Variants in SNX29 observed in about 807,000 individuals in gnomAD.
SNX29 encodes sorting nexin-29.
In SNX29, 78 loss-of-function variants were observed where a neutral mutation model predicts 102.1. The ratio of observed to expected loss-of-function variants is 0.76; its 90% CI spans 0.64 to 0.92. The LOEUF is 0.92. Among genes scored for constraint, SNX29 ranks in the 40% least tolerant of loss-of-function variants. The probability of loss-of-function intolerance (pLI) is 0.00; values close to 1 mark genes in which losing one functional copy is unlikely to be tolerated. For synonymous variants in SNX29, 580 were observed against 414.5 expected, an observed-to-expected ratio of 1.40 and a Z score of -4.85; for missense variants, 1,280 against 1,061.7, an observed-to-expected ratio of 1.21 and a Z score of -2.86.
intron 14 of SNX29, among the ~76,000 whole-genome samples, chr16:12,231,469 G>A (rs2077766110): frequency 6.6e-6 from 1 of 152,066 alleles, no homozygotes; most frequent in African/African-American, 2.4e-5. Flanking sequence ...TGTAACAACT[G>A]TGTGATATTC....
At chr16:12,021,773 T>C (rs1341041436) in intron 3 of SNX29, among the ~76,000 whole-genome samples, 1 of 151,614 alleles carries the variant, frequency 6.6e-6, no homozygotes, top group Non-Finnish European at 1.5e-5. Flanking sequence ...GTGGCTGTAA[T>C]CCCAGCTACT....
intron 14 of SNX29, among the ~76,000 whole-genome samples, chr16:12,205,653 C>G (rs1009737704): frequency 6.6e-6 from 1 of 152,244 alleles, no homozygotes; most frequent in African/African-American, 2.4e-5. Context: ...TGTCTCCATT[C>G]AGATACCACC....
chr16:12,267,967 C>A (rs2078977749), intron 14 of SNX29, among the ~76,000 whole-genome samples: 1 of 152,174 alleles, frequency 6.6e-6, no homozygotes, highest in African/African-American at 2.4e-5. Flanking sequence ...CCACATGGGG[C>A]CTCCTCACTG....
At chr16:12,015,945 A>C (rs1313083225) in intron 3 of SNX29, among the ~76,000 whole-genome samples, 2 of 149,616 alleles carry the variant, frequency 1.3e-5, no homozygotes, top group African/African-American at 4.9e-5. Context: ...GCTCACTGCA[A>C]CCTCCACTTC....
At chr16:12,199,906 AAC>A (rs1476460413) in intron 14 of SNX29, among the ~76,000 whole-genome samples, 2 of 152,254 alleles carry the variant, frequency 1.3e-5, no homozygotes, top group Admixed American at 6.5e-5. Flanking sequence ...GACTATTAGC[AAC>A]AGTCTTATTG....
chr16:11,978,403 C>T (rs1330201399), intron 1 of SNX29, among the ~76,000 whole-genome samples: 1 of 152,190 alleles, frequency 6.6e-6, no homozygotes, highest in Non-Finnish European at 1.5e-5. Flanking sequence ...AGTTCTCGAC[C>T]ATTCTGGGAG....
At chr16:12,270,492 C>T (rs2079058823) in intron 14 of SNX29, among the ~76,000 whole-genome samples, 1 of 152,122 alleles carries the variant, frequency 6.6e-6, no homozygotes, top group African/African-American at 2.4e-5. Flanking sequence ...GTTGTGCTTG[C>T]ATGAACTTAG....
intron 18 of SNX29, among the ~76,000 whole-genome samples, chr16:12,410,140 A>T (rs954314217): frequency 2.6e-5 from 4 of 151,656 alleles, no homozygotes; most frequent in Admixed American, 6.6e-5. Context: ...GAGTACAGGC[A>T]CCCATCACCA....
intron 8 of SNX29, among the ~76,000 whole-genome samples, chr16:12,060,999 G>T (rs941035569): frequency 3.3e-5 from 5 of 152,178 alleles, no homozygotes; most frequent in African/African-American, 1.2e-4. Context: ...AGGTCAGGTG[G>T]CTGCTGTCAT....
chr16:12,549,394 C>G (rs925932018), intron 20 of SNX29, among the ~76,000 whole-genome samples: 17 of 152,194 alleles, frequency 1.1e-4, no homozygotes, highest in Admixed American at 1.1e-3. Flanking sequence ...ACTCAGAAGG[C>G]TGAGGCAGGA....
intron 11 of SNX29, among the ~76,000 whole-genome samples, chr16:12,082,142 A>G (rs1282557578): frequency 6.6e-6 from 1 of 151,558 alleles, no homozygotes; most frequent in Non-Finnish European, 1.5e-5. Flanking sequence ...GTAGATGGAC[A>G]AGACTTGACT....
chr16:12,368,844 C>T (rs1259642250), intron 16 of SNX29, among the ~76,000 whole-genome samples: 3 of 152,246 alleles, frequency 2.0e-5, no homozygotes, highest in Non-Finnish European at 1.5e-5. Context: ...CTCACGTGCC[C>T]CTTGTTCTCA....
intron 6 of SNX29, 68 bp downstream of exon 6, chr16:12,046,522 T>C: frequency 6.9e-7 from 1 of 1,456,088 alleles, no homozygotes; most frequent in East Asian, 2.3e-5. Context: ...TTGGGGCAGT[T>C]CCACAGCGCC....
At chr16:12,282,379 A>G (rs2079462786) in intron 15 of SNX29, among the ~76,000 whole-genome samples, 1 of 152,246 alleles carries the variant, frequency 6.6e-6, no homozygotes, top group Non-Finnish European at 1.5e-5. Context: ...GGGGAAAAGC[A>G]CATCTTGTCT....
chr16:12,365,418 G>A (rs545971845), intron 16 of SNX29, among the ~76,000 whole-genome samples: 15 of 151,924 alleles, frequency 9.9e-5, no homozygotes, highest in South Asian at 2.1e-4. Flanking sequence ...GGCCGGGCGT[G>A]GTGGCTCATG....
intron 18 of SNX29, among the ~76,000 whole-genome samples, chr16:12,410,444 GTTA>G (rs1370234510): frequency 6.6e-6 from 1 of 152,020 alleles, no homozygotes; most frequent in Non-Finnish European, 1.5e-5. Context: ...AGCCTGAGTG[GTTA>G]TTATTATTAC....
At position 12,356,240 on chromosome 16, in the gene SNX29, G is replaced by A. The variant is rs894467357; in HGVS notation, c.1860G>A (p.Val620=). ...CCCTGGTAGCCAAGGAAGCCCTCGT[G>A]TCCCAGATGAGGCAGGAGCTCATCG... is the stretch of plus-strand genomic sequence containing the variant. The part of the protein sequence containing the change: ...HRALVAKEAL[V]SQMRQELIDL... The change falls in exon 16 of 21, where the codon GTG becomes GTA. Residue 620 remains valine (V), a synonymous_variant. Coordinates refer to ENST00000566228, the MANE Select transcript of SNX29 (RefSeq NM_032167.5). 1 of 1,612,636 alleles carries A rather than the reference G, an allele frequency of 6.2e-7. No homozygotes were observed.
chr16:12,000,041 A>G (rs983278029), intron 2 of SNX29, among the ~76,000 whole-genome samples: 7 of 151,416 alleles, frequency 4.6e-5, no homozygotes, highest in African/African-American at 1.7e-4. Context: ...AGGCTAGGAC[A>G]AGGAGGATGG....
intron 15 of SNX29, among the ~76,000 whole-genome samples, chr16:12,290,906 T>G (rs1433419558): frequency 6.6e-6 from 1 of 152,164 alleles, no homozygotes; most frequent in African/African-American, 2.4e-5. Context: ...GATCCCTGAG[T>G]CACTGCTTGG....
Sources: allele counts gnomAD v4.1 joint callset (sites outside exome capture counted in the v4.1 genomes callset), GRCh38; gene constraint gnomAD v4.1.1; transcripts MANE v1.5; gene names NCBI Gene and HGNC (gene_info 2026-07-23, HGNC 2026-07-21).